Variants in PDZD2 observed in about 807,000 individuals in gnomAD.
PDZD2 encodes the protein PDZ domain-containing protein 2.
PDZD2 carries 90 observed loss-of-function variants against 220.7 expected under a neutral mutation model. That is an observed-to-expected ratio of 0.41 (90% CI 0.34 to 0.49). The LOEUF is 0.49. Ranked by LOEUF, PDZD2 falls within the 20% of genes least tolerant of loss-of-function variation. The probability of loss-of-function intolerance (pLI) is 0.28; values close to 1 mark genes in which losing one functional copy is unlikely to be tolerated. For synonymous variants in PDZD2, 1,375 were observed against 1,450.5 expected, an observed-to-expected ratio of 0.95 and a Z score of 1.18; for missense variants, 3,174 against 3,608.5, an observed-to-expected ratio of 0.88 and a Z score of 3.08.
intron 2 of PDZD2, among the ~76,000 whole-genome samples, chr5:31,920,342 C>A (rs980459237): frequency 3.3e-5 from 5 of 150,650 alleles, no homozygotes; most frequent in African/African-American, 1.2e-4. Flanking sequence ...TAGAGATTTC[C>A]TATATATCTC....
intron 2 of PDZD2, among the ~76,000 whole-genome samples, chr5:31,947,354 G>C (rs1359019805): frequency 6.6e-6 from 1 of 152,148 alleles, no homozygotes; most frequent in Non-Finnish European, 1.5e-5. Flanking sequence ...TCCTTTCTCA[G>C]TTCTAGACTA....
At chr5:31,741,909 T>C (rs755618470) in intron 1 of PDZD2, 3 of 152,224 alleles carry the variant, frequency 2.0e-5, no homozygotes, top group African/African-American at 4.8e-5. Flanking sequence ...TGCCTAGAGA[T>C]GGCTTCATTT....
At chr5:32,074,765 C>G in intron 18 of PDZD2, 122 bp downstream of exon 18, 1 of 658,454 alleles carries the variant, frequency 1.5e-6, no homozygotes, top group South Asian at 2.0e-5. Flanking sequence ...GGAGAATTAT[C>G]TTTCAACAGA....
chr5:32,082,414 C>G (rs574672897), intron 19 of PDZD2, among the ~76,000 whole-genome samples: 115 of 152,112 alleles, frequency 7.6e-4, no homozygotes, highest in South Asian at 1.5e-3. Flanking sequence ...CAAAATGACC[C>G]GTACACTGCA....
chr5:31,984,398 G>A (rs1377069293), intron 3 of PDZD2, among the ~76,000 whole-genome samples: 1 of 152,174 alleles, frequency 6.6e-6, no homozygotes, highest in Non-Finnish European at 1.5e-5. Context: ...GGGTAGACAT[G>A]TTCATTCCAA....
chr5:31,717,287 A>T (rs1442384024), intron 1 of PDZD2, among the ~76,000 whole-genome samples: 1 of 152,166 alleles, frequency 6.6e-6, no homozygotes, highest in Non-Finnish European at 1.5e-5. Context: ...TGCTGAATGA[A>T]TGCTTCAAAC....
chr5:32,019,204 C>T (rs1214494120), intron 6 of PDZD2, among the ~76,000 whole-genome samples: 1 of 142,336 alleles, frequency 7.0e-6, no homozygotes, highest in Non-Finnish European at 1.5e-5. Flanking sequence ...TGCAATGGCA[C>T]AATTATGGCT....
At chr5:31,988,441 T>TCG (rs1554019949) in intron 3 of PDZD2, among the ~76,000 whole-genome samples, 2 of 146,376 alleles carry the variant, frequency 1.4e-5, no homozygotes, top group African/African-American at 5.1e-5. Context: ...GAGATGGGGG[T>TCG]GGGGGGGGTG....
intron 1 of PDZD2, among the ~76,000 whole-genome samples, chr5:31,783,146 A>G (rs975380244): frequency 5.3e-5 from 8 of 152,180 alleles, no homozygotes; most frequent in Non-Finnish European, 2.9e-5. Context: ...GCACTCAATA[A>G]ATATTTGCTG....
intron 2 of PDZD2, among the ~76,000 whole-genome samples, chr5:31,896,785 G>A (rs1741611320): frequency 6.6e-6 from 1 of 152,188 alleles, no homozygotes; most frequent in African/African-American, 2.4e-5. Context: ...CATAGACCCA[G>A]TCTCTACAAA....
In PDZD2 at chr5:31,655,749, A is replaced by G. The variant is rs554792858; in HGVS notation, c.-361+16312A>G. On this transcript the variant is annotated intron_variant, in intron 1 of 24. Transcript: ENST00000438447. The stretch of plus-strand genomic sequence containing the variant: ...AATTGGTATGAGGTATAGCCCAAGC[A>G]CTGGTATTTTTTGAAGACTCCCCAG... 4.0e-5 allele frequency among the ~76,000 whole-genome samples: 6 copies of G among 151,578 alleles called. No homozygotes were observed. The South Asian group carries it at 1.2e-3, about 31-fold the overall frequency.
Position 31,689,239 on chromosome 5 carries a change from T to TTGTGTGTG in PDZD2, c.-361+49820_-361+49827dup, listed in dbSNP as rs70955736. Among the ~76,000 whole-genome samples the TTGTGTGTG allele has an allele frequency of 2.1e-3, 297 of 140,046 alleles. 1 individual carries two copies. In the East Asian group the frequency reaches 0.026, roughly 12 times the overall value. The allele number at this position is 140,046 out of a possible 152,430, so 91.9% of individuals were successfully genotyped here. ...ACTTGCCAGCATGCCTGGCTAATGT[T>TTGTGTGTG]TGTGTGTGTGTGTGTGTGTGTGTGT... On this transcript the variant is annotated intron_variant, in intron 1 of 24. Coordinates refer to ENST00000438447, the MANE Select transcript of PDZD2 (RefSeq NM_178140.4).
chr5:31,854,069 C>CA (rs1758219194), intron 2 of PDZD2, among the ~76,000 whole-genome samples: 3 of 152,222 alleles, frequency 2.0e-5, no homozygotes, highest in Admixed American at 6.5e-5. Flanking sequence ...GAAGAGAATA[C>CA]AGCTGAAGTT....
intron 1 of PDZD2, among the ~76,000 whole-genome samples, chr5:31,796,882 C>T (rs1754058010): frequency 6.6e-6 from 1 of 151,848 alleles, no homozygotes; most frequent in Non-Finnish European, 1.5e-5. Flanking sequence ...ATTTAAAGAG[C>T]ATCTTGACCA....
intron 1 of PDZD2, among the ~76,000 whole-genome samples, chr5:31,642,077 G>A (rs1157768146): frequency 6.6e-6 from 1 of 152,110 alleles, no homozygotes; most frequent in Admixed American, 6.6e-5. Context: ...TTGATCATGT[G>A]GGCCTAAGTG....
intron 2 of PDZD2, among the ~76,000 whole-genome samples, chr5:31,918,037 G>T (rs1743843308): frequency 6.6e-6 from 1 of 152,218 alleles, no homozygotes; most frequent in African/African-American, 2.4e-5. Flanking sequence ...TTACAGTCAT[G>T]GCAGAAGGTG....
At chr5:31,746,303 A>G (rs754694155) in intron 1 of PDZD2, among the ~76,000 whole-genome samples, 33 of 152,174 alleles carry the variant, frequency 2.2e-4, no homozygotes, top group Non-Finnish European at 4.4e-4. Flanking sequence ...GGGCAAATCA[A>G]TGTCAATTTT....
rs144128749 is a variant in PDZD2, at chr5:32,058,056, C to A, written c.2153C>A (p.Thr718Asn). The A allele has an allele frequency of 4.3e-3, 6,959 of 1,610,360 alleles. 26 individuals carry two copies. Among genetic ancestry groups the A allele is most frequent in the Middle Eastern group, 0.012 (75 of 6,050 alleles). ...AGTTCTTCATCCCTGGGTCGGAAGA[C>A]CCCTGGGCCCAAGGACAGGATCGTC... The part of the protein sequence containing the change: ...EGSSSSLGRK[T>N]PGPKDRIVME... The change falls in exon 12 of 25, where the codon ACC becomes AAC. Residue 718 changes from threonine to asparagine, a missense_variant. Thr to Asn is a moderately conservative substitution (Grantham distance 65). Coordinates refer to ENST00000438447, the MANE Select transcript of PDZD2 (RefSeq NM_178140.4).
chr5:31,678,483 A>C (rs1746530314), intron 1 of PDZD2, among the ~76,000 whole-genome samples: 3 of 150,622 alleles, frequency 2.0e-5, no homozygotes, highest in Non-Finnish European at 4.4e-5. Flanking sequence ...GGGGACAGTC[A>C]GTTCTCAGGG....
Sources: gnomAD v4.1 joint callset for allele counts (sites outside exome capture counted in the v4.1 genomes callset) on GRCh38, gnomAD v4.1.1 for gene constraint, MANE v1.5 for transcripts, NCBI Gene and HGNC (gene_info 2026-07-23, HGNC 2026-07-21) for gene names.